The following USO1 variants were observed in gnomAD, a reference collection of about 807,000 sequenced individuals.
USO1 encodes general vesicular transport factor p115.
USO1 carries 57 observed loss-of-function variants against 124.5 expected under a neutral mutation model. That is an observed-to-expected ratio of 0.46 (90% CI 0.37 to 0.57). USO1 has a LOEUF of 0.57. USO1 is among the 20% of genes least tolerant of loss of function. USO1 has a pLI of 0.00. For missense variants in USO1, 900 were observed against 1,040.6 expected (o/e 0.86, Z 1.86); for synonymous variants, 369 against 362.8 (o/e 1.02, Z -0.19).
At chr4:75,783,590 C>G (rs1405578851) in intron 9 of USO1, among the ~76,000 whole-genome samples, 1 of 152,118 alleles carries the variant, frequency 6.6e-6, no homozygotes, top group Non-Finnish European at 1.5e-5. Context: ...CTTTGAATGT[C>G]TCTGAATTAT....
At chr4:75,770,974 T>C (rs186019111) in intron 6 of USO1, 50 bp downstream of exon 6, 32 of 1,597,202 alleles carry the variant, frequency 2.0e-5, no homozygotes, top group Admixed American at 3.6e-5. Flanking sequence ...ATGAGTATCA[T>C]TTCCTAGAGA....
intron 7 of USO1, 49 bp from the exon 8 acceptor site, chr4:75,774,627 T>C: frequency 3.9e-6 from 6 of 1,543,112 alleles, no homozygotes; most frequent in Non-Finnish European, 5.2e-6. Context: ...AATTTAAAAA[T>C]GTCTCATAAA....
chr4:75,791,800 C>CA (rs11338698), intron 12 of USO1, among the ~76,000 whole-genome samples: 2 of 151,088 alleles, frequency 1.3e-5, no homozygotes, highest in African/African-American at 4.9e-5. Context: ...TTATATTTAC[C>CA]AAAAAAAAAT....
intron 1 of USO1, among the ~76,000 whole-genome samples, chr4:75,744,544 C>T (rs1201346507): frequency 1.3e-5 from 2 of 152,094 alleles, no homozygotes; most frequent in African/African-American, 4.8e-5. Flanking sequence ...CTCAGACTCC[C>T]GAGTAGCTGA....
At chr4:75,727,081 C>T (rs889585505) in intron 1 of USO1, among the ~76,000 whole-genome samples, 35 of 152,016 alleles carry the variant, frequency 2.3e-4, no homozygotes, top group African/African-American at 8.5e-4. Context: ...CGAAGAATAC[C>T]CTTTCCTGTT....
At position 75,733,679 on chromosome 4, in the gene USO1, G is replaced by A. The variant is rs369282306; in HGVS notation, c.66+8794G>A. On this transcript the variant is annotated intron_variant, in intron 1 of 23. Transcript: ENST00000514213. Reference sequence around the variant, plus strand: ...CATTTTTTAAGAGTTTTTGGTTTTTGCCTGTTGAATTAAGTTCCTTACAGA... The same window carrying A: ...CATTTTTTAAGAGTTTTTGGTTTTTACCTGTTGAATTAAGTTCCTTACAGA... Among the ~76,000 whole-genome samples, 8 of 152,068 alleles carry A rather than the reference G, an allele frequency of 5.3e-5. No individual in the cohort carries two copies. The South Asian group carries it at 1.5e-3, about 28-fold the overall frequency.
Position 75,760,698 on chromosome 4 carries a change from TA to T in USO1, c.295+3135del, listed in dbSNP as rs889948155. 3,355 of 342,776 alleles carry T rather than the reference TA, an allele frequency of 9.8e-3. 1 individual carries two copies. The highest frequency in any genetic ancestry group is 0.011 in the East Asian group (261 of 22,988). 21.2% of individuals were successfully genotyped at this position (342,776 alleles called of 1,614,324 possible). A position where few individuals can be genotyped will look rare whatever the true frequency, so the allele number is the denominator to read the frequency against. On this transcript the variant is annotated intron_variant, in intron 4 of 23. Coordinates refer to ENST00000514213, the MANE Select transcript of USO1 (RefSeq NM_003715.4). ...GTCAAGTACTGTTTCTTCTGGCTGG[TA>T]AAAAAAAAATCTGAAATTTGTTTTA...
chr4:75,738,940 CT>C (rs1312180675), intron 1 of USO1, among the ~76,000 whole-genome samples: 1 of 152,104 alleles, frequency 6.6e-6, no homozygotes, highest in African/African-American at 2.4e-5. Flanking sequence ...GCAACCTCCA[CT>C]TCCCGGGTTC....
chr4:75,770,903 ATTATT>A lies in USO1; in HGVS notation c.482_486del (p.Ile161SerfsTer22), dbSNP rs1325173908. 1 of 1,613,662 alleles carries A rather than the reference ATTATT, an allele frequency of 6.2e-7. No individual in the cohort carries two copies. The highest frequency in any genetic ancestry group is 8.5e-7 in the Non-Finnish European group (1 of 1,179,782). ...ACAACTAGGGCCTCAGGTGCAACAA[ATTATT>A]TTAGTCAGTCCTATGGGTAAGTGAC... On this transcript the variant is annotated frameshift_variant, in exon 6 of 24. Coordinates refer to ENST00000514213, the MANE Select transcript of USO1 (RefSeq NM_003715.4). LOFTEE classifies it high-confidence loss of function.
At chr4:75,742,835 A>C (rs1268612179) in intron 1 of USO1, among the ~76,000 whole-genome samples, 2 of 152,220 alleles carry the variant, frequency 1.3e-5, no homozygotes, top group Non-Finnish European at 2.9e-5. Flanking sequence ...GTTGAGAACT[A>C]AGATAAGAGT....
chr4:75,768,017 T>C (rs991393885), intron 4 of USO1, among the ~76,000 whole-genome samples: 5 of 152,150 alleles, frequency 3.3e-5, no homozygotes, highest in Non-Finnish European at 7.4e-5. Flanking sequence ...AATTTCTTTT[T>C]TTTTCTTCTC....
At position 75,801,119 on chromosome 4, in the gene USO1, TAAAAA is replaced by T; in HGVS notation, c.1907_1911del (p.Lys636ArgfsTer12). 6.2e-7 allele frequency: 1 copy of T among 1,603,106 alleles called. No homozygotes were observed. The highest frequency in any genetic ancestry group is 1.7e-5 in the Admixed American group (1 of 58,268). ...CTATTTATAAGTCCAGTGAAGAAGA[TAAAAA>T]AGAAGAAGAGGTGAAAAAAACATTA... On this transcript the variant is annotated frameshift_variant, in exon 17 of 24. Coordinates refer to ENST00000514213, the MANE Select transcript of USO1 (RefSeq NM_003715.4). LOFTEE classifies it high-confidence loss of function.
Position 75,805,264 on chromosome 4 carries a change from A to G in USO1, c.2250A>G (p.Gln750=). The change falls in exon 19 of 24, where the codon CAA becomes CAG. Residue 750 remains glutamine (Q), a synonymous_variant. Coordinates refer to ENST00000514213, the MANE Select transcript of USO1 (RefSeq NM_003715.4). The stretch of plus-strand genomic sequence containing the variant: ...TAAAACGTAATCAGGAACTTTTACA[A>G]AGCCAGCTGACTGAAAAGGACTCTA... The part of the protein sequence containing the change: ...EELKRNQELL[Q]SQLTEKDSMI... 6.2e-7 allele frequency: 1 copy of G among 1,611,258 alleles called. No homozygotes were observed. Among genetic ancestry groups the G allele is most frequent in the South Asian group, 1.1e-5 (1 of 90,348 alleles).
In USO1 at chr4:75,799,667, A is replaced by G; in HGVS notation, c.1498A>G (p.Thr500Ala). 1 of 1,613,810 alleles carries G rather than the reference A, an allele frequency of 6.2e-7. No homozygotes were observed. The highest frequency in any genetic ancestry group is 1.1e-5 in the South Asian group (1 of 91,078). Residue 500 changes from threonine (T) to alanine (A), a missense_variant, in exon 14 of 24, where the codon ACC becomes GCC. By Grantham distance (58) the Thr-to-Ala change is moderately conservative. This residue lies in a region of USO1 where 538 missense variants were observed against 681.6 expected (regional missense o/e 0.79). Coordinates refer to ENST00000514213, the MANE Select transcript of USO1 (RefSeq NM_003715.4). ...AGTTGGATTATTAATGTTGCTTTGT[A>G]CCTGGCTAAGCAATTGTCCCATTGC... The part of the protein sequence containing the change: ...TRVGLLMLLC[T>A]WLSNCPIAVT...
intron 17 of USO1, among the ~76,000 whole-genome samples, chr4:75,801,538 T>C (rs938738137): frequency 2.6e-5 from 4 of 152,182 alleles, no homozygotes; most frequent in Admixed American, 6.5e-5. Flanking sequence ...TTCTTGACTT[T>C]TACTCTCATT....
At chr4:75,788,267 G>T (rs554301463) in intron 10 of USO1, among the ~76,000 whole-genome samples, 1 of 149,416 alleles carries the variant, frequency 6.7e-6, no homozygotes, top group Non-Finnish European at 1.5e-5. Flanking sequence ...TTCCGGGTTC[G>T]AGCAATTCTC....
intron 13 of USO1, among the ~76,000 whole-genome samples, chr4:75,799,189 G>T (rs1045440166): frequency 1.5e-4 from 23 of 149,460 alleles, no homozygotes; most frequent in Admixed American, 5.3e-4. Context: ...TTTGTTTTTT[G>T]GTTTTTTTTG....
chr4:75,758,699 A>G (rs1450335581), intron 4 of USO1, among the ~76,000 whole-genome samples: 1 of 152,190 alleles, frequency 6.6e-6, no homozygotes, highest in Non-Finnish European at 1.5e-5. Context: ...CCTGGGCAAC[A>G]TAAGTGAGAC....
At chr4:75,789,705 A>G (rs1331294014) in intron 10 of USO1, among the ~76,000 whole-genome samples, 3 of 152,042 alleles carry the variant, frequency 2.0e-5, no homozygotes, top group Non-Finnish European at 4.4e-5. Flanking sequence ...TAGTCTTTTT[A>G]TTTTTTAACT....
Sources: allele counts gnomAD v4.1 joint callset (sites outside exome capture counted in the v4.1 genomes callset), GRCh38; gene constraint gnomAD v4.1.1; regional missense constraint gnomAD v4.1.1; transcripts MANE v1.5; gene names NCBI Gene and HGNC (gene_info 2026-07-23, HGNC 2026-07-21).